Variants in BTBD7 observed in about 807,000 individuals in gnomAD.
The protein encoded by BTBD7 is BTB/POZ domain-containing protein 7.
A neutral mutation model predicts 99.9 loss-of-function variants in BTBD7; 38 were observed. The ratio of observed to expected loss-of-function variants is 0.38; its 90% CI spans 0.29 to 0.50. BTBD7 has a LOEUF of 0.50. Ranked by LOEUF, BTBD7 falls within the 20% of genes least tolerant of loss-of-function variation. The pLI, the probability that BTBD7 is intolerant of heterozygous loss-of-function variation, is 0.93. For synonymous variants in BTBD7, 520 were observed against 511.4 expected, an observed-to-expected ratio of 1.02 and a Z score of -0.23; for missense variants, 1,170 against 1,394.6, an observed-to-expected ratio of 0.84 and a Z score of 2.57.
chr14:93,261,869 T>C (rs1002381708), intron 4 of BTBD7, among the ~76,000 whole-genome samples, 192 bp from the exon 5 acceptor site: 2 of 152,226 alleles, frequency 1.3e-5, no homozygotes, highest in Non-Finnish European at 1.5e-5. Flanking sequence ...ATTACATATA[T>C]TTTATCCAGT....
At chr14:93,261,947 C>T (rs2052493436) in intron 4 of BTBD7, among the ~76,000 whole-genome samples, 1 of 151,968 alleles carries the variant, frequency 6.6e-6, no homozygotes, top group Non-Finnish European at 1.5e-5. Context: ...AATCTGCTCC[C>T]TTCCTATTTT....
chr14:93,288,759 T>TA, intron 3 of BTBD7: 1 of 1,595,038 alleles, frequency 6.3e-7, no homozygotes, highest in Non-Finnish European at 8.5e-7. Flanking sequence ...AACCCCTGAG[T>TA]GTAATTTCAC....
At chr14:93,249,424 T>C (rs889536358) in intron 8 of BTBD7, among the ~76,000 whole-genome samples, 1 of 152,130 alleles carries the variant, frequency 6.6e-6, no homozygotes, top group African/African-American at 2.4e-5. Flanking sequence ...GGCAGAAAGA[T>C]GGCTACTGGC....
intron 3 of BTBD7, among the ~76,000 whole-genome samples, chr14:93,292,144 G>A (rs146476246): frequency 0.015 from 2,222 of 152,208 alleles, 30 homozygotes; most frequent in Middle Eastern, 0.037. Flanking sequence ...CCGAAATTGC[G>A]CCATTGCACT....
intron 1 of BTBD7, among the ~76,000 whole-genome samples, chr14:93,321,257 G>C (rs1271665370): frequency 6.6e-6 from 1 of 152,124 alleles, no homozygotes; most frequent in African/African-American, 2.4e-5. Flanking sequence ...TAAGCACATG[G>C]GGATATAACA....
chr14:93,287,633 T>C (rs2139753396), intron 3 of BTBD7: 1 of 152,274 alleles, frequency 6.6e-6, no homozygotes, highest in South Asian at 2.1e-4. Flanking sequence ...TAAAATTGCT[T>C]TGTCATTTGC....
intron 1 of BTBD7, among the ~76,000 whole-genome samples, chr14:93,317,489 C>G (rs1001792930): frequency 6.6e-6 from 1 of 151,956 alleles, no homozygotes; most frequent in East Asian, 1.9e-4. Flanking sequence ...ACTACAGAGG[C>G]ACACACTACC....
chr14:93,269,542 G>A, intron 3 of BTBD7, among the ~76,000 whole-genome samples: 1 of 152,214 alleles, frequency 6.6e-6, no homozygotes, highest in Non-Finnish European at 1.5e-5. Context: ...AGTACAGGGA[G>A]TCAGTTCTAG....
chr14:93,275,611 C>T (rs564092411), intron 3 of BTBD7, among the ~76,000 whole-genome samples: 3 of 152,130 alleles, frequency 2.0e-5, no homozygotes, highest in Non-Finnish European at 4.4e-5. Context: ...TCAGAGTGTA[C>T]GTACACAAAC....
At chr14:93,331,884 C>CCCCA (rs1555394553) in intron 1 of BTBD7, among the ~76,000 whole-genome samples, 8 of 146,882 alleles carry the variant, frequency 5.4e-5, no homozygotes, top group Admixed American at 2.0e-4. Context: ...CCGTCTCCCC[C>CCCCA]CCCCCAAAAA....
intron 1 of BTBD7, among the ~76,000 whole-genome samples, chr14:93,313,679 T>C (rs545079237): frequency 5.5e-5 from 8 of 145,424 alleles, no homozygotes; most frequent in African/African-American, 1.5e-4. Context: ...AAAATGAAAC[T>C]ACACACACAC....
intron 1 of BTBD7, among the ~76,000 whole-genome samples, chr14:93,330,415 C>G (rs72708589): frequency 2.1e-3 from 326 of 152,288 alleles, no homozygotes; most frequent in Non-Finnish European, 3.4e-3. Flanking sequence ...CTCGGTAAAT[C>G]TAAACTTTCA....
chr14:93,296,189 T>C, intron 1 of BTBD7, 32 bp from the exon 2 acceptor site: 2 of 1,279,958 alleles, frequency 1.6e-6, no homozygotes, highest in Non-Finnish European at 2.0e-6. Context: ...TTTAATTCAT[T>C]TTTTCAAGTG....
chr14:93,266,564 AATG>A (rs1213709649), intron 3 of BTBD7, among the ~76,000 whole-genome samples: 1 of 151,904 alleles, frequency 6.6e-6, no homozygotes, highest in Admixed American at 6.6e-5. Flanking sequence ...ATTTTGGTTC[AATG>A]ATAAGAAATT....
chr14:93,316,605 A>T, intron 1 of BTBD7, among the ~76,000 whole-genome samples: 1 of 152,194 alleles, frequency 6.6e-6, no homozygotes, highest in African/African-American at 2.4e-5. Context: ...AAGGTAAACT[A>T]TATAAGGTCA....
chr14:93,324,970 C>T (rs2053311441), intron 1 of BTBD7, among the ~76,000 whole-genome samples: 1 of 152,134 alleles, frequency 6.6e-6, no homozygotes, highest in African/African-American at 2.4e-5. Context: ...GACAGAGGCA[C>T]AGGGAACAAG....
chr14:93,328,027 C>T (rs1467172435), intron 1 of BTBD7, among the ~76,000 whole-genome samples: 1 of 152,048 alleles, frequency 6.6e-6, no homozygotes, highest in Non-Finnish European at 1.5e-5. Flanking sequence ...TATCTACAAT[C>T]ACATCAAAAA....
At chr14:93,271,215 T>A (rs1419471040) in intron 3 of BTBD7, among the ~76,000 whole-genome samples, 1 of 152,230 alleles carries the variant, frequency 6.6e-6, no homozygotes, top group Non-Finnish European at 1.5e-5. Context: ...GAATACACTG[T>A]CAGGATCTTT....
chr14:93,245,919 G>A lies in BTBD7; in HGVS notation c.2489C>T (p.Thr830Ile). 1 of 1,614,178 alleles carries A rather than the reference G, an allele frequency of 6.2e-7. No individual in the cohort carries two copies. The highest frequency in any genetic ancestry group is 1.1e-5 in the South Asian group (1 of 91,078). The change falls in exon 10 of 11, where the codon ACT (threonine) becomes ATT (isoleucine). Residue 830 changes from threonine to isoleucine, a missense_variant. Physicochemically the swap from Thr to Ile is moderately conservative, Grantham distance 89. Around this residue, in one of 4 missense-constraint regions of BTBD7, gnomAD observed 495 missense variants for 525.9 expected, o/e 0.94. Transcript: ENST00000334746. ...VKAAPPDCTS[T>I]AGLGRQTVAA... ...CACCGTCTGTCTGCCCAGTCCTGCA[G>A]TGCTGGTACAATCAGGCGGTGCAGC...
Sources: allele counts gnomAD v4.1 joint callset (sites outside exome capture counted in the v4.1 genomes callset), GRCh38; gene constraint gnomAD v4.1.1; regional missense constraint gnomAD v4.1.1; transcripts MANE v1.5; gene names NCBI Gene and HGNC (gene_info 2026-07-23, HGNC 2026-07-21).